ATP10D: variants seen among roughly 807,000 people sequenced by gnomAD.
ATP10D encodes ATPase phospholipid transporting 10D (putative), also known as phospholipid-transporting ATPase VD.
In ATP10D, 89 loss-of-function variants were observed where a neutral mutation model predicts 144.8. The ratio of observed to expected loss-of-function variants is 0.61; its 90% confidence interval spans 0.52 to 0.73. The LOEUF is 0.73. ATP10D is among the 30% of genes least tolerant of loss of function. The probability of loss-of-function intolerance (pLI) is 0.00; values close to 1 mark genes in which losing one functional copy is unlikely to be tolerated. For synonymous variants in ATP10D, 571 were observed against 615.1 expected (o/e 0.93, Z 1.06); for missense variants, 1,603 against 1,714.8 (o/e 0.93, Z 1.15).
At chr4:47,588,938 T>C (rs1303828984) in intron 22 of ATP10D, among the ~76,000 whole-genome samples, 1 of 152,152 alleles carries the variant, frequency 6.6e-6, no homozygotes, top group African/African-American at 2.4e-5. Context: ...ACCTGTAAAT[T>C]TTATCTTATG....
chr4:47,546,564 A>G, intron 9 of ATP10D, 60 bp from the exon 10 acceptor site: 1 of 1,447,592 alleles, frequency 6.9e-7, no homozygotes, highest in African/African-American at 1.4e-5. Flanking sequence ...ACTGCCTGAT[A>G]TATTCAACTT....
intron 1 of ATP10D, among the ~76,000 whole-genome samples, chr4:47,505,768 A>G (rs573639510): frequency 7.2e-5 from 11 of 152,210 alleles, no homozygotes; most frequent in Middle Eastern, 3.4e-3. Context: ...AAAAAGAAAA[A>G]AAAAAGAAAC....
At chr4:47,579,202 G>A (rs866012774) in intron 19 of ATP10D, among the ~76,000 whole-genome samples, 1 of 152,238 alleles carries the variant, frequency 6.6e-6, no homozygotes, top group Middle Eastern at 3.4e-3. Context: ...TTTGACTATT[G>A]TCTCTTACTC....
chr4:47,530,605 G>A (rs1169727157), intron 5 of ATP10D, among the ~76,000 whole-genome samples: 1 of 152,030 alleles, frequency 6.6e-6, no homozygotes, highest in African/African-American at 2.4e-5. Context: ...ATAGACACGT[G>A]CCACCATGCC....
intron 18 of ATP10D, among the ~76,000 whole-genome samples, chr4:47,575,924 C>CTTTTTTTTTTTTTTT (rs564960460): frequency 1.2e-5 from 1 of 82,278 alleles, no homozygotes; most frequent in Non-Finnish European, 2.1e-5. Context: ...ACTGGGGTCC[C>CTTTTTTTTTTTTTTT]TTTTTTTTTT....
intron 1 of ATP10D, among the ~76,000 whole-genome samples, chr4:47,502,449 G>A (rs1409918058): frequency 2.0e-5 from 3 of 149,942 alleles, no homozygotes; most frequent in Non-Finnish European, 3.0e-5. Context: ...CAGCCTGGGC[G>A]TTAGAGTGAG....
Position 47,561,055 on chromosome 4 carries a change from A to G in ATP10D, c.2648A>G (p.Glu883Gly). 1 of 1,614,236 alleles carries G rather than the reference A, an allele frequency of 6.2e-7. No individual in the cohort carries two copies. Among genetic ancestry groups the G allele is most frequent in the Non-Finnish European group, 8.5e-7 (1 of 1,180,022 alleles). Residue 883 changes from glutamate (E) to glycine (G), a missense_variant, in exon 14 of 23, where the codon GAG (glutamate) becomes GGG (glycine). Transcript: ENST00000273859. ...CTACTTGAATCTGCCATGAGGTTGG[A>G]GAACAAACTTACATTACTTGGTAGG... ...ELLLESAMRL[E>G]NKLTLLGATG...
At chr4:47,543,505 C>T (rs1718263706) in intron 9 of ATP10D, among the ~76,000 whole-genome samples, 1 of 152,180 alleles carries the variant, frequency 6.6e-6, no homozygotes, top group Non-Finnish European at 1.5e-5. Flanking sequence ...GCCAGCAGCA[C>T]ACTTCACCCA....
At chr4:47,530,985 T>G (rs542576242) in intron 5 of ATP10D, among the ~76,000 whole-genome samples, 16 of 152,148 alleles carry the variant, frequency 1.1e-4, no homozygotes, top group Non-Finnish European at 2.2e-4. Context: ...CTTGCCAGAT[T>G]TGGGTATCAT....
chr4:47,587,119 A>G lies in ATP10D; in HGVS notation c.3854A>G (p.Asn1285Ser), dbSNP rs750588188. 13 of 1,613,912 alleles carry G rather than the reference A, an allele frequency of 8.1e-6. No homozygotes were observed. The highest frequency in any genetic ancestry group is 4.5e-5 in the East Asian group (2 of 44,860). The stretch of plus-strand genomic sequence containing the variant: ...TGTGTAACTTGCAACCCACCATCCA[A>G]CCCTTACTGGATTATGCAGGAGCAC... ...AMCVTCNPPS[N>S]PYWIMQEHML... The change falls in exon 22 of 23, where the codon AAC (asparagine) becomes AGC (serine). Residue 1285 changes from asparagine to serine, a missense_variant. Asn to Ser is a conservative substitution (Grantham distance 46). Transcript: ENST00000273859.
At chr4:47,494,525 ATT>A (rs1435905696) in intron 1 of ATP10D, among the ~76,000 whole-genome samples, 1 of 97,718 alleles carries the variant, frequency 1.0e-5, no homozygotes, top group Non-Finnish European at 2.5e-5. Flanking sequence ...TACCTCATTT[ATT>A]GCTGGAAATT....
intron 5 of ATP10D, among the ~76,000 whole-genome samples, chr4:47,528,851 G>T (rs1717413467): frequency 1.3e-5 from 2 of 151,994 alleles, no homozygotes; most frequent in South Asian, 4.1e-4. Context: ...TAGTCATTCT[G>T]ACTGGTGTGA....
rs770714201 is a variant in ATP10D, at chr4:47,491,550, A to G, written c.-38+6031A>G. On this transcript the variant is annotated intron_variant, in intron 1 of 22. Coordinates refer to ENST00000273859, the MANE Select transcript of ATP10D (RefSeq NM_020453.4). Reference sequence around the variant, plus strand: ...GTCTGTATCATATCACAGTCTTCTCAGATATCTTTGGCAATTTCCCATATT... The same window carrying G: ...GTCTGTATCATATCACAGTCTTCTCGGATATCTTTGGCAATTTCCCATATT... 14 of 427,976 alleles carry G rather than the reference A, an allele frequency of 3.3e-5. No individual in the cohort carries two copies. In the Middle Eastern group the frequency reaches 5.6e-3, roughly 171 times the overall value. 26.5% of individuals were successfully genotyped at this position (427,976 alleles called of 1,614,324 possible).
intron 15 of ATP10D, among the ~76,000 whole-genome samples, chr4:47,567,753 G>A (rs565005111): frequency 6.6e-6 from 1 of 152,188 alleles, no homozygotes; most frequent in South Asian, 2.1e-4. Context: ...GGAGCCCTGT[G>A]AACACTCCAC....
At chr4:47,528,206 G>A (rs919401695) in intron 5 of ATP10D, among the ~76,000 whole-genome samples, 11 of 151,960 alleles carry the variant, frequency 7.2e-5, no homozygotes, top group African/African-American at 1.7e-4. Context: ...AATGGTGAAC[G>A]TTGTTTCTAA....
chr4:47,571,542 T>C (rs1029968632), intron 16 of ATP10D, among the ~76,000 whole-genome samples: 1 of 152,136 alleles, frequency 6.6e-6, no homozygotes, highest in African/African-American at 2.4e-5. Flanking sequence ...AAAACCAGTA[T>C]ACCTTTACTG....
intron 2 of ATP10D, among the ~76,000 whole-genome samples, chr4:47,514,930 A>G (rs1716551430): frequency 6.6e-6 from 1 of 152,064 alleles, no homozygotes; most frequent in South Asian, 2.1e-4. Context: ...AGACCGTCCC[A>G]CTCAAATATT....
intron 21 of ATP10D, among the ~76,000 whole-genome samples, chr4:47,583,569 C>G (rs1202403345): frequency 1.3e-5 from 2 of 152,076 alleles, no homozygotes; most frequent in Non-Finnish European, 2.9e-5. Context: ...AAAGGAAATT[C>G]TAGAACTGAA....
At chr4:47,512,389 T>C in intron 1 of ATP10D, 115 bp from the exon 2 acceptor site, 1 of 657,346 alleles carries the variant, frequency 1.5e-6, no homozygotes, top group Non-Finnish European at 2.5e-6. Flanking sequence ...CTTTCTCCCT[T>C]ACATGTTGAA....
Sources: allele counts gnomAD v4.1 joint callset (sites outside exome capture counted in the v4.1 genomes callset), GRCh38; gene constraint gnomAD v4.1.1; transcripts MANE v1.5; gene names NCBI Gene and HGNC (gene_info 2026-07-23, HGNC 2026-07-21).